Variants in CDH12 observed in about 807,000 individuals in gnomAD.
The protein encoded by CDH12 is cadherin-12.
Under a neutral mutation model 74.1 loss-of-function variants are expected in CDH12, and 41 were observed. The observed-to-expected ratio is 0.55, with a 90% CI of 0.43 to 0.72. The LOEUF is 0.72. Ranked by LOEUF, CDH12 falls within the 30% of genes least tolerant of loss-of-function variation. The pLI, the probability that CDH12 is intolerant of heterozygous loss-of-function variation, is 0.00. For missense variants in CDH12, 945 were observed against 977.2 expected (o/e 0.97, Z 0.44); for synonymous variants, 399 against 355.0 (o/e 1.12, Z -1.39).
At chr5:22,537,362 T>C (rs1401177475) in intron 1 of CDH12, among the ~76,000 whole-genome samples, 2 of 152,166 alleles carry the variant, frequency 1.3e-5, no homozygotes, top group African/African-American at 4.8e-5. Context: ...GTTTATGAAG[T>C]CTTAAAGGAA....
chr5:21,922,138 G>A (rs564764910), intron 6 of CDH12, among the ~76,000 whole-genome samples: 1 of 152,170 alleles, frequency 6.6e-6, no homozygotes, highest in South Asian at 2.1e-4. Flanking sequence ...CCATAGTTCT[G>A]AAATAGCTTA....
chr5:22,371,817 A>G (rs1484754224), intron 3 of CDH12, among the ~76,000 whole-genome samples: 5 of 152,214 alleles, frequency 3.3e-5, no homozygotes, highest in Non-Finnish European at 7.3e-5. Context: ...AGCATGGAAA[A>G]TGAAGGAAGA....
chr5:22,011,083 T>A (rs1476142394), intron 5 of CDH12, among the ~76,000 whole-genome samples: 3 of 152,124 alleles, frequency 2.0e-5, no homozygotes, highest in African/African-American at 7.2e-5. Context: ...TTCAGTCTCT[T>A]TTCGAGGGAA....
At chr5:21,970,709 G>A (rs1235791679) in intron 6 of CDH12, among the ~76,000 whole-genome samples, 5 of 151,390 alleles carry the variant, frequency 3.3e-5, no homozygotes, top group Non-Finnish European at 4.4e-5. Flanking sequence ...GTGTGGTGGT[G>A]CACACCTGTA....
rs146475396 is a variant in CDH12, at chr5:22,545,407, A to T, written c.-522-40043T>A. On this transcript the variant is annotated intron_variant, in intron 1 of 14. Transcript: ENST00000382254. ...CCATGAAATTGTTTAAAATTGTGTG[A>T]CAAAATTTAATATAGCAACAAATAT... Among the ~76,000 whole-genome samples, 45 of 152,324 alleles carry T rather than the reference A, an allele frequency of 3.0e-4. No homozygotes were observed. The East Asian group carries it at 3.1e-3, about 10-fold the overall frequency.
At chr5:22,304,243 A>T (rs540139174) in intron 3 of CDH12, among the ~76,000 whole-genome samples, 1 of 152,076 alleles carries the variant, frequency 6.6e-6, no homozygotes, top group Non-Finnish European at 1.5e-5. Context: ...ATAAACCAAG[A>T]CGCATGGTCA....
chr5:22,079,882 G>A (rs1195797403), intron 4 of CDH12, among the ~76,000 whole-genome samples: 2 of 146,048 alleles, frequency 1.4e-5, no homozygotes, highest in Non-Finnish European at 3.0e-5. Context: ...AATAACTGAG[G>A]GCAGATTATG....
chr5:22,493,023 G>T (rs1420072894), intron 2 of CDH12, among the ~76,000 whole-genome samples: 1 of 152,130 alleles, frequency 6.6e-6, no homozygotes, highest in Non-Finnish European at 1.5e-5. Context: ...AGCCACGGTG[G>T]TGTTCACTTT....
chr5:22,701,429 T>A lies in CDH12; in HGVS notation c.-523+151629A>T, dbSNP rs557517089. On this transcript the variant is annotated intron_variant, in intron 1 of 14. Transcript: ENST00000382254. ...ACAGCAATAAGATTAAAAAAAAAGA[T>A]TGTCACTTCTCATATTAAAAATTTC... is the stretch of plus-strand genomic sequence containing the variant. Among the ~76,000 whole-genome samples, 477 of 152,184 alleles carry A rather than the reference T, an allele frequency of 3.1e-3. 4 individuals are homozygous for A. Among genetic ancestry groups the A allele is most frequent in the African/African-American group, 0.011 (458 of 41,528 alleles).
At chr5:21,807,918 G>C (rs1408023662) in intron 9 of CDH12, among the ~76,000 whole-genome samples, 1 of 152,078 alleles carries the variant, frequency 6.6e-6, no homozygotes, top group African/African-American at 2.4e-5. Context: ...TACTTGAGAG[G>C]TGTGATCTAA....
intron 1 of CDH12, among the ~76,000 whole-genome samples, chr5:22,829,403 G>T (rs1010494599): frequency 1.3e-5 from 2 of 152,136 alleles, no homozygotes; most frequent in Non-Finnish European, 2.9e-5. Context: ...AATCTGAGGT[G>T]GCTGTTATTT....
intron 4 of CDH12, among the ~76,000 whole-genome samples, chr5:22,188,797 G>A (rs1304678888): frequency 6.6e-6 from 1 of 152,174 alleles, no homozygotes; most frequent in African/African-American, 2.4e-5. Context: ...GAGGCAACAT[G>A]GGAGGCATGG....
intron 1 of CDH12, among the ~76,000 whole-genome samples, chr5:22,616,909 T>C (rs1737719256): frequency 6.6e-6 from 1 of 151,994 alleles, no homozygotes; most frequent in Non-Finnish European, 1.5e-5. Context: ...CTGCCTCTCA[T>C]GCTGAAGTGT....
At chr5:22,827,723 G>A (rs1736409205) in intron 1 of CDH12, among the ~76,000 whole-genome samples, 1 of 152,044 alleles carries the variant, frequency 6.6e-6, no homozygotes, top group South Asian at 2.1e-4. Flanking sequence ...AACTGAAATA[G>A]TATATTGGTT....
At chr5:22,165,501 TACACAC>T (rs1249374248) in intron 4 of CDH12, among the ~76,000 whole-genome samples, 1 of 50,346 alleles carries the variant, frequency 2.0e-5, no homozygotes, top group African/African-American at 7.1e-5. Flanking sequence ...CACATACACA[TACACAC>T]ACACATACAC....
intron 1 of CDH12, among the ~76,000 whole-genome samples, chr5:22,734,513 A>C (rs749728600): frequency 1.3e-5 from 2 of 151,970 alleles, no homozygotes; most frequent in Non-Finnish European, 2.9e-5. Flanking sequence ...TAATAAAACC[A>C]TGGCTATAGT....
intron 6 of CDH12, among the ~76,000 whole-genome samples, chr5:21,942,618 G>A (rs1212763929): frequency 1.3e-5 from 2 of 151,716 alleles, no homozygotes; most frequent in African/African-American, 4.9e-5. Context: ...ATGCAGAAAT[G>A]TATATCTGTG....
intron 1 of CDH12, among the ~76,000 whole-genome samples, chr5:22,827,026 C>A (rs987107053): frequency 2.6e-5 from 4 of 152,148 alleles, no homozygotes; most frequent in Non-Finnish European, 4.4e-5. Flanking sequence ...TGTAAGAGAC[C>A]TTTGCAGCAG....
At chr5:22,462,526 G>A (rs1394564787) in intron 2 of CDH12, among the ~76,000 whole-genome samples, 4 of 152,102 alleles carry the variant, frequency 2.6e-5, no homozygotes, top group Admixed American at 1.3e-4. Flanking sequence ...GGGTGGCATC[G>A]TGGCAGGCTG....
Sources: allele counts gnomAD v4.1 joint callset (sites outside exome capture counted in the v4.1 genomes callset), GRCh38; gene constraint gnomAD v4.1.1; transcripts MANE v1.5; gene names NCBI Gene and HGNC (gene_info 2026-07-23, HGNC 2026-07-21).